Variants in ASIC2 observed in about 807,000 individuals in gnomAD.
ASIC2 encodes acid-sensing ion channel 2.
A neutral mutation model predicts 57.3 loss-of-function variants in ASIC2; 25 were observed. That is an observed-to-expected ratio of 0.44 (90% CI 0.32 to 0.61). The LOEUF (loss-of-function observed/expected upper bound fraction) is 0.61. Among genes scored for constraint, ASIC2 ranks in the 20% least tolerant of loss-of-function variants. The pLI, the probability that ASIC2 is intolerant of heterozygous loss-of-function variation, is 0.06. For synonymous variants in ASIC2, 319 were observed against 307.5 expected, an observed-to-expected ratio of 1.04 and a Z score of -0.39; for missense variants, 641 against 738.1, an observed-to-expected ratio of 0.87 and a Z score of 1.52.
At chr17:33,871,418 T>C (rs939854966) in intron 1 of ASIC2, among the ~76,000 whole-genome samples, 1 of 152,192 alleles carries the variant, frequency 6.6e-6, no homozygotes, top group African/African-American at 2.4e-5. Flanking sequence ...CTCTCCACAG[T>C]GTCAACCCCA....
At chr17:33,037,850 C>G (rs964079631) in intron 3 of ASIC2, among the ~76,000 whole-genome samples, 1 of 152,252 alleles carries the variant, frequency 6.6e-6, no homozygotes, top group African/African-American at 2.4e-5. Context: ...ATAATAAAAT[C>G]ACTGTCTTGG....
At chr17:33,265,745 C>T (rs1909435528) in intron 1 of ASIC2, among the ~76,000 whole-genome samples, 3 of 152,196 alleles carry the variant, frequency 2.0e-5, no homozygotes, top group Non-Finnish European at 4.4e-5. Flanking sequence ...GGTGTCTTCG[C>T]TCTGGCTCTC....
chr17:33,898,772 C>G (rs775095681), intron 1 of ASIC2, among the ~76,000 whole-genome samples: 2 of 152,090 alleles, frequency 1.3e-5, no homozygotes, highest in East Asian at 3.8e-4. Flanking sequence ...CTTTCATGAT[C>G]TTGGCAATTT....
At chr17:33,818,456 T>C (rs1317401619) in intron 1 of ASIC2, among the ~76,000 whole-genome samples, 1 of 152,134 alleles carries the variant, frequency 6.6e-6, no homozygotes, top group Non-Finnish European at 1.5e-5. Context: ...GGTCATACAA[T>C]AGTGAGTTAC....
chr17:33,945,841 A>G (rs1253009532), intron 1 of ASIC2, among the ~76,000 whole-genome samples: 3 of 152,226 alleles, frequency 2.0e-5, no homozygotes, highest in African/African-American at 7.2e-5. Flanking sequence ...CTCAGAAACA[A>G]TAAACCAGGC....
intron 1 of ASIC2, among the ~76,000 whole-genome samples, chr17:33,125,954 C>T (rs1001100986): frequency 2.0e-5 from 3 of 152,174 alleles, no homozygotes; most frequent in Admixed American, 6.5e-5. Context: ...GCAATTATTT[C>T]GGGGGTTGCA....
chr17:33,688,667 C>T (rs1172501644), intron 1 of ASIC2: 1 of 152,230 alleles, frequency 6.6e-6, no homozygotes, highest in Non-Finnish European at 1.5e-5. Context: ...CTTCACCCCA[C>T]CCCCACTAGT....
chr17:33,784,851 G>A (rs1011462890), intron 1 of ASIC2, among the ~76,000 whole-genome samples: 3 of 152,260 alleles, frequency 2.0e-5, no homozygotes, highest in Non-Finnish European at 4.4e-5. Context: ...GTAGTGAAGT[G>A]TGCAGGACCT....
intron 1 of ASIC2, among the ~76,000 whole-genome samples, chr17:33,566,627 A>G (rs1916242301): frequency 6.6e-6 from 1 of 152,204 alleles, no homozygotes; most frequent in South Asian, 2.1e-4. Context: ...CAGAACAGTC[A>G]TAGAAGGTTT....
intron 1 of ASIC2, among the ~76,000 whole-genome samples, chr17:33,548,048 C>T (rs1016576311): frequency 5.9e-5 from 9 of 152,150 alleles, no homozygotes; most frequent in Admixed American, 6.5e-5. Flanking sequence ...GTCTCTCAGA[C>T]GTTAACAGGG....
chr17:33,427,581 C>T (rs762058895), intron 1 of ASIC2, among the ~76,000 whole-genome samples: 4 of 152,182 alleles, frequency 2.6e-5, no homozygotes, highest in Non-Finnish European at 4.4e-5. Context: ...CAATAAAATG[C>T]TGATTATCCC....
At chr17:34,097,175 A>G (rs913038976) in intron 1 of ASIC2, among the ~76,000 whole-genome samples, 5 of 152,206 alleles carry the variant, frequency 3.3e-5, no homozygotes, top group Admixed American at 1.3e-4. Flanking sequence ...GCCTCAGGAT[A>G]TGCCAAGCAG....
intron 1 of ASIC2, among the ~76,000 whole-genome samples, chr17:34,097,485 G>A (rs1910589170): frequency 6.6e-6 from 1 of 152,138 alleles, no homozygotes; most frequent in African/African-American, 2.4e-5. Flanking sequence ...TGGAAATAAG[G>A]TCATTGCAGA....
chr17:34,021,423 C>A (rs1309654976), intron 1 of ASIC2, among the ~76,000 whole-genome samples: 2 of 152,170 alleles, frequency 1.3e-5, no homozygotes, highest in Non-Finnish European at 2.9e-5. Flanking sequence ...TCTTGCCCAC[C>A]AGTTATCAGG....
chr17:33,408,697 A>C (rs2050389190), intron 1 of ASIC2, among the ~76,000 whole-genome samples: 1 of 152,224 alleles, frequency 6.6e-6, no homozygotes. Context: ...ATGAACAAAC[A>C]AACAGTAGAT....
intron 1 of ASIC2, among the ~76,000 whole-genome samples, chr17:33,396,580 C>G (rs1910085921): frequency 6.6e-6 from 1 of 152,156 alleles, no homozygotes; most frequent in Admixed American, 6.5e-5. Flanking sequence ...AAAGCTCATA[C>G]TCTCTGGGCT....
At chr17:33,660,301 T>C (rs1567681794) in intron 1 of ASIC2, among the ~76,000 whole-genome samples, 3 of 152,136 alleles carry the variant, frequency 2.0e-5, no homozygotes, top group Non-Finnish European at 2.9e-5. Context: ...CAACAATAAA[T>C]TAACCTTAGC....
intron 1 of ASIC2, among the ~76,000 whole-genome samples, chr17:33,893,320 G>A (rs923558241): frequency 5.9e-5 from 9 of 152,166 alleles, no homozygotes; most frequent in Non-Finnish European, 1.3e-4. Flanking sequence ...GAGCTGTAAT[G>A]AGTAACACAC....
In ASIC2 at chr17:33,612,105, C is replaced by T. The variant is rs1221994466; in HGVS notation, c.556-500038G>A. Among the ~76,000 whole-genome samples, 2 of 152,298 alleles carry T rather than the reference C, an allele frequency of 1.3e-5. 1 individual carries two copies. Among genetic ancestry groups the T allele is most frequent in the East Asian group, 3.9e-4 (2 of 5,174 alleles). On this transcript the variant is annotated intron_variant, in intron 1 of 9. Coordinates refer to the ASIC2 transcript ENST00000359872. ...GAGAAGGAATTCTTTCTTACTCAGC[C>T]TTATATTCTATTCAGGCCTTCAATG...
Sources: allele counts gnomAD v4.1 joint callset (sites outside exome capture counted in the v4.1 genomes callset), GRCh38; gene constraint gnomAD v4.1.1; transcripts MANE v1.5; gene names NCBI Gene and HGNC (gene_info 2026-07-23, HGNC 2026-07-21).